LRP1B: variants seen among roughly 807,000 people sequenced by gnomAD.
The protein encoded by LRP1B is low-density lipoprotein receptor-related protein 1B.
Under a neutral mutation model 556.6 loss-of-function variants are expected in LRP1B, and 217 were observed. The ratio of observed to expected loss-of-function variants is 0.39; its 90% CI spans 0.35 to 0.44. The LOEUF is 0.44. Among genes scored for constraint, LRP1B ranks in the 20% least tolerant of loss-of-function variants. LRP1B has a pLI of 1.00. For missense variants in LRP1B, 5,053 were observed against 5,620.8 expected (o/e 0.90, Z 3.23); for synonymous variants, 2,047 against 1,865.8 (o/e 1.10, Z -2.50).
Position 141,187,952 on chromosome 2 carries a change from T to C in LRP1B, c.1013+469A>G, listed in dbSNP as rs113214234. Among the ~76,000 whole-genome samples, 612 of 152,136 alleles carry C rather than the reference T, an allele frequency of 4.0e-3. 3 individuals carry two copies. The highest frequency in any genetic ancestry group is 0.013 in the African/African-American group (556 of 41,544). ...ACGTAAGAGTCTGAACAAAGATATT[T>C]TTAATGTTTTACTAGTATCTGGGTA... On this transcript the variant is annotated intron_variant, in intron 7 of 90. Transcript: ENST00000389484.
At chr2:141,583,436 G>A (rs563920579) in intron 2 of LRP1B, among the ~76,000 whole-genome samples, 4 of 151,882 alleles carry the variant, frequency 2.6e-5, no homozygotes, top group South Asian at 2.1e-4. Context: ...ATGAAATACC[G>A]ATCATCAAGT....
At chr2:141,150,415 C>CT (rs1036118253) in intron 7 of LRP1B, among the ~76,000 whole-genome samples, 6 of 152,154 alleles carry the variant, frequency 3.9e-5, no homozygotes, top group Non-Finnish European at 7.4e-5. Context: ...TATTTTGTTT[C>CT]TTTTTCCCAT....
intron 66 of LRP1B, among the ~76,000 whole-genome samples, chr2:140,414,064 A>G (rs1049187385): frequency 1.3e-5 from 2 of 152,222 alleles, no homozygotes; most frequent in African/African-American, 4.8e-5. Context: ...TGCATGGCAC[A>G]TGGCACCATG....
intron 20 of LRP1B, among the ~76,000 whole-genome samples, chr2:140,949,669 G>A (rs1416794400): frequency 1.3e-5 from 2 of 151,712 alleles, no homozygotes; most frequent in Non-Finnish European, 2.9e-5. Context: ...TGCCGGGCGC[G>A]GTGGCTCACA....
At chr2:140,943,299 T>TA (rs1695453084) in intron 20 of LRP1B, among the ~76,000 whole-genome samples, 1 of 151,964 alleles carries the variant, frequency 6.6e-6, no homozygotes. Flanking sequence ...GGAAAAGACT[T>TA]AGACAGCTAC....
At chr2:140,773,033 G>A (rs1466360663) in intron 33 of LRP1B, among the ~76,000 whole-genome samples, 2 of 152,044 alleles carry the variant, frequency 1.3e-5, no homozygotes, top group East Asian at 3.9e-4. Flanking sequence ...TGGAGACAGA[G>A]GCTGCAGAGA....
At chr2:141,654,071 C>G (rs1213987752) in intron 2 of LRP1B, among the ~76,000 whole-genome samples, 1 of 152,036 alleles carries the variant, frequency 6.6e-6, no homozygotes, top group Non-Finnish European at 1.5e-5. Context: ...AATAGAAACA[C>G]TACTAAGAAT....
chr2:140,628,995 C>A (rs900638783), intron 41 of LRP1B, among the ~76,000 whole-genome samples: 32 of 152,182 alleles, frequency 2.1e-4, no homozygotes, highest in African/African-American at 6.7e-4. Flanking sequence ...GTACACCCTG[C>A]AGAACTTTAA....
chr2:140,609,156 C>T (rs898169734), intron 41 of LRP1B, among the ~76,000 whole-genome samples: 1 of 152,120 alleles, frequency 6.6e-6, no homozygotes, highest in Non-Finnish European at 1.5e-5. Flanking sequence ...TGCCTGAAAC[C>T]CTCAGGTATG....
chr2:142,066,618 C>T lies in LRP1B; in HGVS notation c.82+64030G>A, dbSNP rs553846137. Among the ~76,000 whole-genome samples the T allele has an allele frequency of 5.9e-5, 9 of 151,620 alleles. No homozygotes were observed. In the East Asian group the frequency reaches 1.6e-3, roughly 26 times the overall value. On this transcript the variant is annotated intron_variant, in intron 1 of 90. Transcript: ENST00000389484. ...TCTCTAATGTGGTATGTTTTCCCTA[C>T]CACACTCTTCATCTCCTCTGAGTTC...
intron 82 of LRP1B, among the ~76,000 whole-genome samples, chr2:140,318,012 G>A (rs1684605311): frequency 6.6e-6 from 1 of 151,924 alleles, no homozygotes; most frequent in Admixed American, 6.6e-5. Context: ...ATAGGAAAAA[G>A]CAGGTGAACA....
At chr2:141,240,396 C>T (rs917469455) in intron 5 of LRP1B, among the ~76,000 whole-genome samples, 15 of 151,650 alleles carry the variant, frequency 9.9e-5, no homozygotes, top group African/African-American at 3.1e-4. Context: ...TCTGTCTACT[C>T]GGATTTTAAG....
intron 2 of LRP1B, among the ~76,000 whole-genome samples, chr2:141,752,960 A>AAAAAAAAAAAAAAAAAAAAAAAC (rs1694172940): frequency 6.9e-6 from 1 of 145,250 alleles, no homozygotes; most frequent in African/African-American, 2.5e-5. Context: ...AAAAAAAAAA[A>AAAAAAAAAAAAAAAAAAAAAAAC]ATTATGCTGG....
At chr2:140,783,055 A>G (rs1689756795) in intron 32 of LRP1B, among the ~76,000 whole-genome samples, 1 of 152,232 alleles carries the variant, frequency 6.6e-6, no homozygotes, top group African/African-American at 2.4e-5. Context: ...CAGTGCAAAC[A>G]TAACTTGAGT....
At chr2:141,418,430 A>G (rs1384627888) in intron 3 of LRP1B, among the ~76,000 whole-genome samples, 1 of 108,294 alleles carries the variant, frequency 9.2e-6, no homozygotes, top group Non-Finnish European at 1.9e-5. Flanking sequence ...ACAGAGCACA[A>G]TATTTTTTTT....
intron 86 of LRP1B, among the ~76,000 whole-genome samples, chr2:140,259,301 G>C (rs985458419): frequency 6.6e-6 from 1 of 151,846 alleles, no homozygotes; most frequent in African/African-American, 2.4e-5. Context: ...ACAAACAAAA[G>C]GCAAAGAGAA....
chr2:141,307,886 C>G (rs530979420), intron 3 of LRP1B, among the ~76,000 whole-genome samples: 28 of 152,186 alleles, frequency 1.8e-4, no homozygotes, highest in Middle Eastern at 3.4e-3. Context: ...GCAGGTGTGG[C>G]ACGGGTGATG....
chr2:140,638,383 C>T (rs1199917297), intron 41 of LRP1B, among the ~76,000 whole-genome samples: 1 of 152,080 alleles, frequency 6.6e-6, no homozygotes, highest in East Asian at 1.9e-4. Context: ...AAAGACAAGC[C>T]ATAGACAATT....
chr2:140,426,175 C>G (rs1378313288), intron 66 of LRP1B, among the ~76,000 whole-genome samples: 7 of 152,136 alleles, frequency 4.6e-5, no homozygotes, highest in Non-Finnish European at 8.8e-5. Context: ...GACATTCAAC[C>G]TTGTGTGTAG....
Sources: allele counts gnomAD v4.1 joint callset (sites outside exome capture counted in the v4.1 genomes callset), GRCh38; gene constraint gnomAD v4.1.1; transcripts MANE v1.5; gene names NCBI Gene and HGNC (gene_info 2026-07-23, HGNC 2026-07-21).